Variants in NUP62CL observed in about 807,000 individuals in gnomAD.
NUP62CL encodes nucleoporin 62 C-terminal like.
Under a neutral mutation model 15.3 loss-of-function variants are expected in NUP62CL, and 13 were observed. The observed-to-expected ratio is 0.85, with a 90% CI of 0.55 to 1.35. NUP62CL has a LOEUF of 1.35. Ranked by LOEUF, NUP62CL falls within the 40% of genes most tolerant of loss-of-function variation. The pLI, the probability that NUP62CL is intolerant of heterozygous loss-of-function variation, is 0.00. For synonymous variants in NUP62CL, 54 were observed against 49.2 expected (o/e 1.10, Z -0.41); for missense variants, 123 against 130.6 (o/e 0.94, Z 0.28).
At chrX:107,180,843 T>G (rs763431625) in intron 2 of NUP62CL, among the ~76,000 whole-genome samples, 1 of 110,107 alleles carries the variant, frequency 9.1e-6, no homozygotes, top group Non-Finnish European at 1.9e-5. Context: ...AATGCTTATC[T>G]CCTCAACTCC....
chrX:107,125,671 A>C (rs1232576617), intron 8 of NUP62CL, among the ~76,000 whole-genome samples: 1 of 111,426 alleles, frequency 9.0e-6, no homozygotes, highest in Non-Finnish European at 1.9e-5. Context: ...CAATTTTTTC[A>C]CCTAAATAAC....
At chrX:107,147,177 T>A (rs1925900463) in intron 8 of NUP62CL, among the ~76,000 whole-genome samples, 1 of 111,841 alleles carries the variant, frequency 8.9e-6, no homozygotes. Context: ...ATGGTAGTAA[T>A]ACTGGTATTA....
intron 2 of NUP62CL, among the ~76,000 whole-genome samples, chrX:107,176,580 C>T (rs1419782353): frequency 1.9e-5 from 2 of 103,206 alleles, no homozygotes; most frequent in African/African-American, 7.2e-5. Context: ...GTCGGGGGGG[C>T]GATGAAAATG....
intron 2 of NUP62CL, among the ~76,000 whole-genome samples, chrX:107,180,675 A>G (rs1926897300): frequency 9.0e-6 from 1 of 111,446 alleles, no homozygotes; most frequent in Non-Finnish European, 1.9e-5. Flanking sequence ...CAAACTCATG[A>G]AGAAGCTCTG....
intron 1 of NUP62CL, among the ~76,000 whole-genome samples, chrX:107,204,872 A>ACACACAAG (rs1927623605): frequency 1.2e-5 from 1 of 80,905 alleles, no homozygotes; most frequent in African/African-American, 7.0e-5. Context: ...TAAATAAATT[A>ACACACAAG]TTTAAATAAA....
At chrX:107,203,995 GTTTCATTATTTTT>G (rs1927549441) in intron 1 of NUP62CL, among the ~76,000 whole-genome samples, 2 of 110,467 alleles carry the variant, frequency 1.8e-5, no homozygotes, top group Admixed American at 1.9e-4. Flanking sequence ...GATCTCTCAG[GTTTCATTATTTTT>G]TTTCCCTTTA....
chrX:107,155,904 C>A (rs937983829), intron 4 of NUP62CL, among the ~76,000 whole-genome samples: 1 of 111,723 alleles, frequency 9.0e-6, no homozygotes, highest in Non-Finnish European at 1.9e-5. Context: ...AGACAGTGGG[C>A]GCAGGCCAGT....
At chrX:107,152,079 GATATAT>G (rs750141716) in intron 7 of NUP62CL, among the ~76,000 whole-genome samples, 1 of 37,400 alleles carries the variant, frequency 2.7e-5, no homozygotes, top group Non-Finnish European at 4.1e-5. Context: ...TATATATTCA[GATATAT>G]ATATATATAT....
chrX:107,176,340 A>C (rs2147809569), intron 2 of NUP62CL, among the ~76,000 whole-genome samples: 1 of 111,894 alleles, frequency 8.9e-6, no homozygotes, highest in Non-Finnish European at 1.9e-5. Flanking sequence ...AATCGGAAGA[A>C]TTAAGTACTG....
At chrX:107,190,599 G>C (rs1420150527) in intron 2 of NUP62CL, among the ~76,000 whole-genome samples, 1 of 111,645 alleles carries the variant, frequency 9.0e-6, no homozygotes, top group African/African-American at 3.3e-5. Flanking sequence ...CAAGAGAAGT[G>C]ACCACATTTG....
chrX:107,133,567 G>A (rs1157850246), intron 8 of NUP62CL, among the ~76,000 whole-genome samples: 1 of 111,734 alleles, frequency 8.9e-6, no homozygotes, highest in Admixed American at 9.4e-5. Context: ...GAACTCCTGG[G>A]CTCTGGTGAT....
intron 2 of NUP62CL, among the ~76,000 whole-genome samples, chrX:107,189,943 A>G (rs982392210): frequency 7.3e-5 from 7 of 95,506 alleles, no homozygotes; most frequent in Admixed American, 1.1e-4. Context: ...GAAAGAAAGA[A>G]AGAGAATCGA....
rs751553274 is a variant in NUP62CL, at chrX:107,172,967, T to A, written c.58+2122A>T. ...TACTTACTGCTTGTTATGAAGCACA[T>A]TTCCAATGAGACCCCCAAGACATCC... On this transcript the variant is annotated intron_variant, in intron 3 of 8. Coordinates refer to ENST00000372466, the MANE Select transcript of NUP62CL (RefSeq NM_017681.3). 1.3e-4 allele frequency among the ~76,000 whole-genome samples: 14 copies of A among 111,297 alleles called. No homozygotes were observed. In the East Asian group the frequency reaches 4.0e-3, roughly 31 times the overall value.
intron 7 of NUP62CL, chrX:107,151,089 G>T: frequency 3.7e-6 from 1 of 273,902 alleles, no homozygotes; most frequent in Non-Finnish European, 7.1e-6. Flanking sequence ...CTTTTCAGTG[G>T]AGCTCAGTTA....
intron 1 of NUP62CL, among the ~76,000 whole-genome samples, chrX:107,201,291 T>C (rs756718483): frequency 1.7e-3 from 191 of 111,521 alleles, no homozygotes; most frequent in Non-Finnish European, 2.9e-3. Flanking sequence ...GTCACAACTA[T>C]CTGTTGACAA....
At chrX:107,177,540 A>T (rs747087732) in intron 2 of NUP62CL, among the ~76,000 whole-genome samples, 2 of 111,634 alleles carry the variant, frequency 1.8e-5, no homozygotes, top group Non-Finnish European at 3.8e-5. Context: ...CCTTTCCAGG[A>T]TGTGGTCAGA....
intron 8 of NUP62CL, among the ~76,000 whole-genome samples, chrX:107,141,139 T>A (rs1259596926): frequency 8.9e-6 from 1 of 112,231 alleles, no homozygotes; most frequent in Non-Finnish European, 1.9e-5. Context: ...GTATTTCAAA[T>A]CTGGATTTAC....
At chrX:107,139,917 G>A (rs1925726245) in intron 8 of NUP62CL, among the ~76,000 whole-genome samples, 1 of 111,736 alleles carries the variant, frequency 8.9e-6, no homozygotes, top group Non-Finnish European at 1.9e-5. Flanking sequence ...AAGATACCCA[G>A]TTTATTAAAA....
intron 8 of NUP62CL, among the ~76,000 whole-genome samples, chrX:107,126,722 G>A (rs1925394831): frequency 8.9e-6 from 1 of 112,292 alleles, no homozygotes; most frequent in Non-Finnish European, 1.9e-5. Context: ...AAATGTAAGT[G>A]CTAAAACTAT....
Sources: allele counts gnomAD v4.1 joint callset (sites outside exome capture counted in the v4.1 genomes callset), GRCh38; gene constraint gnomAD v4.1.1; transcripts MANE v1.5; gene names NCBI Gene and HGNC (gene_info 2026-07-23, HGNC 2026-07-21).